GRIP1: variants seen among roughly 807,000 people sequenced by gnomAD.
GRIP1 encodes the protein glutamate receptor interacting protein 1.
A neutral mutation model predicts 129.9 loss-of-function variants in GRIP1; 45 were observed. The observed-to-expected ratio is 0.35, with a 90% CI of 0.27 to 0.44. GRIP1 has a LOEUF of 0.44. Among genes scored for constraint, GRIP1 ranks in the 20% least tolerant of loss-of-function variants. The probability of loss-of-function intolerance (pLI) is 1.00; values close to 1 mark genes in which losing one functional copy is unlikely to be tolerated. For synonymous variants in GRIP1, 530 were observed against 520.8 expected (o/e 1.02, Z -0.24); for missense variants, 1,196 against 1,396.8 (o/e 0.86, Z 2.29).
chr12:66,952,503 A>G (rs560211467), intron 1 of GRIP1, among the ~76,000 whole-genome samples: 3 of 152,248 alleles, frequency 2.0e-5, no homozygotes, highest in Non-Finnish European at 4.4e-5. Context: ...CTGAGACCCA[A>G]TTAAAGAGTA....
intron 1 of GRIP1, among the ~76,000 whole-genome samples, chr12:66,748,193 TTTTAGTAGAGATGGGG>T (rs2037013736): frequency 6.6e-6 from 1 of 152,114 alleles, no homozygotes; most frequent in South Asian, 2.1e-4. Context: ...ATTTCTGTAT[TTTTAGTAGAGATGGGG>T]TTTCACCTTG....
At chr12:66,488,606 CA>C (rs1235410706) in intron 7 of GRIP1, among the ~76,000 whole-genome samples, 2 of 152,030 alleles carry the variant, frequency 1.3e-5, no homozygotes, top group East Asian at 3.9e-4. Flanking sequence ...TAGCAGAGGA[CA>C]AGAAATAACC....
intron 1 of GRIP1, among the ~76,000 whole-genome samples, chr12:67,061,953 C>T (rs1446536170): frequency 3.6e-5 from 4 of 112,058 alleles, no homozygotes; most frequent in Non-Finnish European, 7.7e-5. Context: ...TGATTCTAAT[C>T]AGTACTTGAA....
At chr12:66,669,448 G>A (rs1468142159) in intron 1 of GRIP1, among the ~76,000 whole-genome samples, 1 of 152,040 alleles carries the variant, frequency 6.6e-6, no homozygotes, top group Non-Finnish European at 1.5e-5. Context: ...TACTTATTGG[G>A]CATTTTCTTT....
intron 1 of GRIP1, among the ~76,000 whole-genome samples, chr12:66,911,555 G>A (rs186389436): frequency 6.6e-6 from 1 of 152,272 alleles, no homozygotes; most frequent in Non-Finnish European, 1.5e-5. Context: ...GAGAAGGTTT[G>A]AAGAAATGAC....
At position 66,396,028 on chromosome 12, in the gene GRIP1, G is replaced by A. The variant is rs1036594801; in HGVS notation, c.1985-1676C>T. On this transcript the variant is annotated intron_variant, in intron 16 of 24. Transcript: ENST00000359742. Reference sequence around the variant, plus strand: ...GACCTAAATGAACAGAGTACTATTGGATAGATTACATGTACTTTGCAGCCC... The same window carrying A: ...GACCTAAATGAACAGAGTACTATTGAATAGATTACATGTACTTTGCAGCCC... Among the ~76,000 whole-genome samples the A allele has an allele frequency of 5.3e-5, 8 of 152,178 alleles. No homozygotes were observed. The South Asian group carries it at 1.4e-3, about 28-fold the overall frequency.
chr12:66,670,465 T>A (rs1198869187), intron 1 of GRIP1, among the ~76,000 whole-genome samples: 2 of 152,178 alleles, frequency 1.3e-5, no homozygotes, highest in Non-Finnish European at 2.9e-5. Context: ...GTGGCGCTCA[T>A]AACTTCATAC....
At chr12:66,413,543 C>T (rs2057475288) in intron 15 of GRIP1, among the ~76,000 whole-genome samples, 1 of 152,192 alleles carries the variant, frequency 6.6e-6, no homozygotes, top group African/African-American at 2.4e-5. Flanking sequence ...ACTATTTCTT[C>T]TGAAACTATT....
At chr12:66,689,229 A>G (rs2034891577) in intron 1 of GRIP1, among the ~76,000 whole-genome samples, 1 of 152,218 alleles carries the variant, frequency 6.6e-6, no homozygotes. Flanking sequence ...TTGTGTTGAC[A>G]GTAATCCAAA....
intron 5 of GRIP1, among the ~76,000 whole-genome samples, chr12:66,520,076 CT>C (rs1190659768): frequency 5.9e-5 from 9 of 152,188 alleles, no homozygotes; most frequent in African/African-American, 2.2e-4. Flanking sequence ...CAGCTAAAAG[CT>C]TAATGTTGCA....
At chr12:66,963,602 C>G (rs1294935845) in intron 1 of GRIP1, among the ~76,000 whole-genome samples, 2 of 152,118 alleles carry the variant, frequency 1.3e-5, no homozygotes, top group African/African-American at 2.4e-5. Context: ...ATAAGGAATT[C>G]AAGAGTTTTT....
intron 1 of GRIP1, among the ~76,000 whole-genome samples, chr12:67,031,815 T>C (rs1052210139): frequency 1.3e-5 from 2 of 152,182 alleles, no homozygotes; most frequent in African/African-American, 4.8e-5. Context: ...ATAATCTTAA[T>C]CTTATTTGTT....
rs980552930 is a variant in GRIP1, at chr12:66,799,557, C to T, written c.-420+4496G>A. ...TGAAATGTGCTTCCCTCTCTCCTTC[C>T]TTTTCCCCTCCCCAGTTCCTTCCTC... On this transcript the variant is annotated intron_variant, in intron 1 of 4. Coordinates refer to the GRIP1 transcript ENST00000538373. Among the ~76,000 whole-genome samples, 8 of 152,074 alleles carry T rather than the reference C, an allele frequency of 5.3e-5. No individual in the cohort carries two copies. In the East Asian group the frequency reaches 1.5e-3, roughly 29 times the overall value.
chr12:67,062,450 ACT>A (rs1441974819), intron 1 of GRIP1, among the ~76,000 whole-genome samples: 1 of 151,096 alleles, frequency 6.6e-6, no homozygotes, highest in African/African-American at 2.4e-5. Context: ...TCCCCTCCCA[ACT>A]CTCTAATCTC....
chr12:66,493,798 G>A (rs778890102), intron 7 of GRIP1, among the ~76,000 whole-genome samples: 1 of 152,130 alleles, frequency 6.6e-6, no homozygotes, highest in Non-Finnish European at 1.5e-5. Context: ...GGCACTGCAG[G>A]ATCACTCATG....
At chr12:66,811,383 A>G (rs2039099957) in intron 1 of GRIP1, among the ~76,000 whole-genome samples, 1 of 152,226 alleles carries the variant, frequency 6.6e-6, no homozygotes, top group African/African-American at 2.4e-5. Context: ...TTAGGAGGAA[A>G]GAGTTGGACT....
intron 1 of GRIP1, among the ~76,000 whole-genome samples, chr12:66,707,284 T>C (rs12813764): frequency 2.0e-5 from 3 of 151,660 alleles, no homozygotes; most frequent in African/African-American, 4.8e-5. Flanking sequence ...CTTCCCATAA[T>C]TGGCCCTTAG....
chr12:66,515,273 A>T (rs2060811108), intron 7 of GRIP1, among the ~76,000 whole-genome samples: 1 of 152,078 alleles, frequency 6.6e-6, no homozygotes, highest in African/African-American at 2.4e-5. Context: ...TAATAATAAA[A>T]AAAAAAAGTA....
chr12:66,588,056 T>C (rs966183220), intron 2 of GRIP1, among the ~76,000 whole-genome samples: 1 of 152,034 alleles, frequency 6.6e-6, no homozygotes, highest in South Asian at 2.1e-4. Context: ...CTGACTATGA[T>C]GCCACAGAAC....
Sources: allele counts gnomAD v4.1 joint callset (sites outside exome capture counted in the v4.1 genomes callset), GRCh38; gene constraint gnomAD v4.1.1; transcripts MANE v1.5; gene names NCBI Gene and HGNC (gene_info 2026-07-23, HGNC 2026-07-21).